The following AACS variants were observed in gnomAD, a reference collection of about 807,000 sequenced individuals.
AACS encodes acetoacetate-CoA ligase.
AACS carries 69 observed loss-of-function variants against 83.1 expected under a neutral mutation model. The observed-to-expected ratio is 0.83, with a 90% CI of 0.68 to 1.01. The LOEUF is 1.01. Ranked by LOEUF, AACS falls within the 50% of genes least tolerant of loss-of-function variation. AACS has a pLI of 0.00. For missense variants in AACS, 866 were observed against 882.2 expected, an observed-to-expected ratio of 0.98 and a Z score of 0.23; for synonymous variants, 333 against 343.4, an observed-to-expected ratio of 0.97 and a Z score of 0.33.
rs869194296 is a variant in AACS, at chr12:125,074,660, G to GTTT, written c.237+700_237+702dup. Among the ~76,000 whole-genome samples the GTTT allele has an allele frequency of 9.3e-4, 114 of 122,144 alleles. 2 individuals are homozygous for GTTT. The highest frequency in any genetic ancestry group is 2.3e-3 in the African/African-American group (66 of 29,002). The allele number at this position is 122,144 out of a possible 152,430, so 80.1% of individuals were successfully genotyped here. ...TGTTAAGTACATTTACATTGTTGTA[G>GTTT]TTTTTTTTTTTTTTTTTTTTTGAGG... On this transcript the variant is annotated intron_variant, in intron 2 of 17. Transcript: ENST00000316519.
At chr12:125,098,211 C>G (rs1292355466) in intron 5 of AACS, among the ~76,000 whole-genome samples, 1 of 152,002 alleles carries the variant, frequency 6.6e-6, no homozygotes, top group African/African-American at 2.4e-5. Flanking sequence ...GGATGGATCA[C>G]TTGAATCCCG....
chr12:125,091,925 C>T (rs1280093103), intron 5 of AACS, among the ~76,000 whole-genome samples: 1 of 152,216 alleles, frequency 6.6e-6, no homozygotes, highest in Non-Finnish European at 1.5e-5. Flanking sequence ...CCCAGGACCT[C>T]CCTGTGTTGG....
chr12:125,103,726 C>T lies in AACS; in HGVS notation c.767+645C>T, dbSNP rs573842614. On this transcript the variant is annotated intron_variant, in intron 7 of 17. Coordinates refer to ENST00000316519, the MANE Select transcript of AACS (RefSeq NM_023928.5). ...ATTTTTGGCCAGGCATGGTGGCTCACGCCTGTAATCCCAGCACTTTGGGAG... is the reference window on the plus strand; with the variant it reads ...ATTTTTGGCCAGGCATGGTGGCTCATGCCTGTAATCCCAGCACTTTGGGAG... Among the ~76,000 whole-genome samples, 84 of 152,174 alleles carry T rather than the reference C, an allele frequency of 5.5e-4. 1 individual carries two copies. The highest frequency in any genetic ancestry group is 1.4e-3 in the Admixed American group (22 of 15,304).
At chr12:125,085,593 C>G (rs574303238) in intron 3 of AACS, among the ~76,000 whole-genome samples, 1 of 152,370 alleles carries the variant, frequency 6.6e-6, no homozygotes, top group African/African-American at 2.4e-5. Flanking sequence ...ACGTCTGTTT[C>G]GTGGAACTAC....
intron 1 of AACS, among the ~76,000 whole-genome samples, chr12:125,069,319 G>C (rs1389952593): frequency 6.6e-6 from 1 of 152,224 alleles, no homozygotes; most frequent in African/African-American, 2.4e-5. Context: ...GCTTCAGGGA[G>C]GAAGGCAGGG....
Position 125,129,890 on chromosome 12 carries a change from A to T in AACS, c.1549+430A>T, listed in dbSNP as rs1011420333. 2.0e-5 allele frequency among the ~76,000 whole-genome samples: 3 copies of T among 152,066 alleles called. No homozygotes were observed. Among genetic ancestry groups the T allele is most frequent in the African/African-American group, 7.3e-5 (3 of 41,378 alleles). The stretch of plus-strand genomic sequence containing the variant: ...TCTCACCATCATCCAGTCCTCATGG[A>T]GATGCTGGAGGAAGAGCGCTTTTGC... On this transcript the variant is annotated intron_variant, in intron 14 of 17. Coordinates refer to ENST00000316519, the MANE Select transcript of AACS (RefSeq NM_023928.5). This position sits in a 1 kb window ranked among gnomAD's most constrained non-coding sequence, Gnocchi z 4.3.
rs1031700660 is a variant in AACS, at chr12:125,113,508, C to T, written c.916-969C>T. On this transcript the variant is annotated intron_variant, in intron 8 of 17. Transcript: ENST00000316519. The surrounding 1 kb of genome is among the most constrained non-coding windows in gnomAD (Gnocchi z 4.8). ...GCTCTGCTCTCTGGGTTGTGCCTGG[C>T]GATGGGAAGCTTCCTCTCCTCCCTG... Among the ~76,000 whole-genome samples, 7 of 152,150 alleles carry T rather than the reference C, an allele frequency of 4.6e-5. No individual in the cohort carries two copies. The highest frequency in any genetic ancestry group is 5.9e-5 in the Non-Finnish European group (4 of 68,028).
rs1398235039 is a variant in AACS, at chr12:125,128,178, T to C, written c.1327T>C (p.Ser443Pro). 3 of 1,611,702 alleles carry C rather than the reference T, an allele frequency of 1.9e-6. No individual in the cohort carries two copies. The African/African-American group carries it at 4.0e-5, about 22-fold the overall frequency. ...GSISGGTDII[S>P]CFMGHNFSLP... ...GCTTGCAGGAGGCACCGACATCATCTCCTGCTTCATGGGCCACAATTTTTC... is the reference window on the plus strand; with the variant it reads ...GCTTGCAGGAGGCACCGACATCATCCCCTGCTTCATGGGCCACAATTTTTC... The change falls in exon 13 of 18, where the codon TCC becomes CCC. Residue 443 changes from serine to proline, a missense_variant. Transcript: ENST00000316519.
rs1201525169 is a variant in AACS, at chr12:125,086,400, A to G, written c.429A>G (p.Ala143=). ...GGCAAGAAGTGGCTTTGTTTGCAGC[A>G]GCAATGAGGAAAATGGGTGTGAAGA... ...ELRQEVALFA[A]AMRKMGVKKG... is the part of the protein sequence containing the mutation. Residue 143 remains alanine (A), a synonymous_variant, in exon 4 of 18, where the codon GCA becomes GCG. Coordinates refer to ENST00000316519, the MANE Select transcript of AACS (RefSeq NM_023928.5). 1.2e-6 allele frequency: 2 copies of G among 1,614,122 alleles called. No individual in the cohort carries two copies. Among genetic ancestry groups the G allele is most frequent in the Non-Finnish European group, 1.7e-6 (2 of 1,180,044 alleles).
chr12:125,085,681 C>A (rs7972018), intron 3 of AACS, among the ~76,000 whole-genome samples: 147,927 of 152,338 alleles, frequency 0.97, 71,951 homozygotes, highest in East Asian at 1. Flanking sequence ...GCCACTGGGG[C>A]AGCTGGGTGA....
intron 8 of AACS, among the ~76,000 whole-genome samples, chr12:125,110,970 G>A (rs1956942320): frequency 6.6e-6 from 1 of 152,052 alleles, no homozygotes; most frequent in South Asian, 2.1e-4. Context: ...GTTGCAGGCT[G>A]TGAAATAGAT....
chr12:125,078,238 C>A (rs11058029), intron 3 of AACS: 1 of 456,008 alleles, frequency 2.2e-6, no homozygotes, highest in African/African-American at 2.0e-5. Context: ...CAGTTCCCAC[C>A]GAGACTTACT....
At position 125,124,557 on chromosome 12, in the gene AACS, C is replaced by T. The variant is rs559360709; in HGVS notation, c.1122-148C>T. The T allele has an allele frequency of 2.0e-5, 17 of 838,012 alleles. 1 individual carries two copies. The highest frequency in any genetic ancestry group is 1.2e-4 in the South Asian group (7 of 56,482). 51.9% of individuals were successfully genotyped at this position (838,012 alleles called of 1,614,324 possible). ...GAAGTCAGGTGCCGTGACTCAGACT[C>T]GAGTAAACATGAAGTATGAGTTCAA... On this transcript the variant is annotated intron_variant, in intron 10 of 17. Coordinates refer to ENST00000316519, the MANE Select transcript of AACS (RefSeq NM_023928.5).
chr12:125,126,401 T>G (rs1237747614), intron 12 of AACS: 1 of 152,156 alleles, frequency 6.6e-6, no homozygotes, highest in Non-Finnish European at 1.5e-5. Context: ...CCGACGTCGT[T>G]CCCTTCAGAG....
intron 3 of AACS, among the ~76,000 whole-genome samples, chr12:125,079,247 A>G (rs1956106151): frequency 6.6e-6 from 1 of 151,960 alleles, no homozygotes; most frequent in Admixed American, 6.6e-5. Context: ...GAGGTGTGAG[A>G]GGGAGTGGGC....
At chr12:125,070,460 CT>C (rs1364147120) in intron 1 of AACS, among the ~76,000 whole-genome samples, 3 of 152,176 alleles carry the variant, frequency 2.0e-5, no homozygotes, top group African/African-American at 7.2e-5. Context: ...GATCATGCCA[CT>C]GCACTCCAGC....
intron 3 of AACS, chr12:125,078,306 C>T: frequency 4.4e-6 from 2 of 456,158 alleles, no homozygotes; most frequent in South Asian, 3.1e-5. Flanking sequence ...AGCCCATGGG[C>T]ACTTCTGATG....
At chr12:125,119,080 A>G (rs1957108991) in intron 10 of AACS, among the ~76,000 whole-genome samples, 1 of 152,220 alleles carries the variant, frequency 6.6e-6, no homozygotes, top group African/African-American at 2.4e-5. Context: ...ATTTTTTAGT[A>G]AAAATGGTAT....
At chr12:125,082,171 ATTTT>A (rs71092271) in intron 3 of AACS, among the ~76,000 whole-genome samples, 3 of 131,950 alleles carry the variant, frequency 2.3e-5, no homozygotes, top group Admixed American at 7.6e-5. Flanking sequence ...GCCCAGCCTG[ATTTT>A]TTTTTTTTTT....
Sources: allele counts gnomAD v4.1 joint callset (sites outside exome capture counted in the v4.1 genomes callset), GRCh38; gene constraint gnomAD v4.1.1; non-coding constraint Gnocchi (gnomAD v3.1); transcripts MANE v1.5; gene names NCBI Gene and HGNC (gene_info 2026-07-23, HGNC 2026-07-21).